RBMS2: variants seen among roughly 807,000 people sequenced by gnomAD.
RBMS2 encodes RNA binding motif single stranded interacting protein 2.
In RBMS2, 38 loss-of-function variants were observed where a neutral mutation model predicts 58.4. The observed-to-expected ratio is 0.65, with a 90% confidence interval of 0.50 to 0.85. The LOEUF is 0.85. RBMS2 is among the 40% of genes least tolerant of loss of function. The pLI, the probability that RBMS2 is intolerant of heterozygous loss-of-function variation, is 0.00. For missense variants in RBMS2, 367 were observed against 503.7 expected (o/e 0.73, Z 2.60); for synonymous variants, 151 against 180.7 (o/e 0.84, Z 1.32).
intron 5 of RBMS2, among the ~76,000 whole-genome samples, chr12:56,576,108 C>T (rs1192639386): frequency 3.3e-5 from 5 of 151,750 alleles, no homozygotes; most frequent in African/African-American, 9.7e-5. Flanking sequence ...GAGGCCGAGG[C>T]GAGCAGATCA....
At chr12:56,566,882 A>G (rs1881438704) in intron 2 of RBMS2, among the ~76,000 whole-genome samples, 1 of 152,220 alleles carries the variant, frequency 6.6e-6, no homozygotes, top group Non-Finnish European at 1.5e-5. Flanking sequence ...AAAGATTTTT[A>G]TAACTCATTA....
intron 1 of RBMS2, among the ~76,000 whole-genome samples, chr12:56,552,789 T>A (rs1229438430): frequency 6.6e-6 from 1 of 151,418 alleles, no homozygotes; most frequent in Non-Finnish European, 1.5e-5. Flanking sequence ...CTGCAGTGAG[T>A]CATGATCATG....
At chr12:56,572,026 C>T (rs1045184915) in intron 5 of RBMS2, among the ~76,000 whole-genome samples, 171 bp downstream of exon 5, 3 of 152,102 alleles carry the variant, frequency 2.0e-5, no homozygotes, top group African/African-American at 7.2e-5. Context: ...CGGTGGCTTA[C>T]ACCTGTAATC....
intron 5 of RBMS2, among the ~76,000 whole-genome samples, chr12:56,578,340 G>A (rs1426170935): frequency 6.6e-6 from 1 of 152,030 alleles, no homozygotes; most frequent in Non-Finnish European, 1.5e-5. Context: ...AGTTGGCCAG[G>A]CTGGTCTCGA....
chr12:56,573,933 C>T (rs1176630037), intron 5 of RBMS2, among the ~76,000 whole-genome samples: 1 of 152,088 alleles, frequency 6.6e-6, no homozygotes, highest in Non-Finnish European at 1.5e-5. Flanking sequence ...CTCTGCCTCC[C>T]GGGTTCAAGT....
Position 56,558,205 on chromosome 12 carries a change from G to A in RBMS2, c.67-4212G>A, listed in dbSNP as rs189392110. ...TGGGACTACAAGCACGCACCACCAC[G>A]CCCAGCTAATTTCTGTATTTTTAGT... On this transcript the variant is annotated intron_variant, in intron 1 of 13. Transcript: ENST00000262031. Among the ~76,000 whole-genome samples the A allele has an allele frequency of 1.6e-3, 232 of 143,798 alleles. 1 individual carries two copies. The highest frequency in any genetic ancestry group is 5.0e-3 in the African/African-American group (196 of 39,236). The allele number at this position is 143,798 out of a possible 152,430, so 94.3% of individuals were successfully genotyped here.
In RBMS2 at chr12:56,581,252, C is replaced by G. The variant is rs1445818077; in HGVS notation, c.611C>G (p.Pro204Arg). ...AATGGAAAATATATTAAGACACCCC[C>G]TGGAGTACCAGGTGAGGCATCTGGG... is the stretch of plus-strand genomic sequence containing the variant. ...HFNGKYIKTP[P>R]GVPAPSDPLL... is the part of the protein sequence containing the mutation. The change falls in exon 6 of 14, where the codon CCT becomes CGT. Residue 204 changes from proline (P) to arginine (R), a missense_variant. By Grantham distance (103) the Pro-to-Arg change is moderately radical. Transcript: ENST00000262031. 6.2e-6 allele frequency: 10 copies of G among 1,604,702 alleles called. No homozygotes were observed. Among genetic ancestry groups the G allele is most frequent in the Non-Finnish European group, 8.5e-6 (10 of 1,171,524 alleles).
At chr12:56,572,194 CAGG>C in intron 5 of RBMS2, among the ~76,000 whole-genome samples, 1 of 147,716 alleles carries the variant, frequency 6.8e-6, no homozygotes, top group East Asian at 2.0e-4. Context: ...GAGGCTGAGG[CAGG>C]AGAATTGCTT....
chr12:56,559,573 C>T (rs1033613315), intron 1 of RBMS2, among the ~76,000 whole-genome samples: 2 of 149,770 alleles, frequency 1.3e-5, no homozygotes, highest in African/African-American at 4.9e-5. Flanking sequence ...AGGTCACGGC[C>T]GGGCGCGGTG....
At chr12:56,578,332 T>G (rs1156650798) in intron 5 of RBMS2, among the ~76,000 whole-genome samples, 1 of 152,060 alleles carries the variant, frequency 6.6e-6, no homozygotes. Flanking sequence ...TTTCACCCAG[T>G]TGGCCAGGCT....
chr12:56,534,949 T>C (rs1243858999), intron 1 of RBMS2, among the ~76,000 whole-genome samples: 1 of 152,110 alleles, frequency 6.6e-6, no homozygotes. Context: ...CCCCAGTAAA[T>C]GTTTATTTCT....
chr12:56,526,895 A>G (rs1247098816), intron 1 of RBMS2, among the ~76,000 whole-genome samples: 1 of 152,082 alleles, frequency 6.6e-6, no homozygotes, highest in Non-Finnish European at 1.5e-5. Context: ...AGGATCAACA[A>G]CCATTTCCTT....
chr12:56,541,209 A>T (rs1336777720), intron 1 of RBMS2, among the ~76,000 whole-genome samples: 5 of 152,026 alleles, frequency 3.3e-5, no homozygotes. Context: ...AATACTTTTT[A>T]AAAAATTGAG....
intron 5 of RBMS2, among the ~76,000 whole-genome samples, chr12:56,573,944 G>A (rs1490119587): frequency 1.3e-5 from 2 of 152,094 alleles, no homozygotes; most frequent in African/African-American, 2.4e-5. Flanking sequence ...GGGTTCAAGT[G>A]ATTCTCCTGC....
At chr12:56,525,915 G>A (rs898071944) in intron 1 of RBMS2, among the ~76,000 whole-genome samples, 13 of 150,936 alleles carry the variant, frequency 8.6e-5, no homozygotes, top group Non-Finnish European at 1.5e-4. Flanking sequence ...TGCCCACCTC[G>A]GCCTCCCAAA....
At chr12:56,542,331 CTG>C (rs1451468947) in intron 1 of RBMS2, among the ~76,000 whole-genome samples, 1 of 151,722 alleles carries the variant, frequency 6.6e-6, no homozygotes, top group Non-Finnish European at 1.5e-5. Flanking sequence ...TCCCAAAATT[CTG>C]TGATTACAGG....
At chr12:56,579,665 G>A (rs957140807) in intron 5 of RBMS2, among the ~76,000 whole-genome samples, 6 of 151,884 alleles carry the variant, frequency 4.0e-5, no homozygotes, top group Non-Finnish European at 8.8e-5. Context: ...TATAGGAATG[G>A]TTCATATTTC....
intron 1 of RBMS2, 134 bp from the exon 2 acceptor site, chr12:56,562,283 A>G (rs1880569248): frequency 5.1e-6 from 4 of 786,330 alleles, no homozygotes; most frequent in Admixed American, 5.7e-5. Context: ...GGAACAAACT[A>G]TGTGTGTCCA....
At chr12:56,574,108 T>C (rs1053620940) in intron 5 of RBMS2, among the ~76,000 whole-genome samples, 3 of 152,180 alleles carry the variant, frequency 2.0e-5, no homozygotes, top group Admixed American at 2.0e-4. Flanking sequence ...CCCAAAGTGC[T>C]AGGATTACAG....
Sources: gnomAD v4.1 joint callset for allele counts (sites outside exome capture counted in the v4.1 genomes callset) on GRCh38, gnomAD v4.1.1 for gene constraint, MANE v1.5 for transcripts, NCBI Gene and HGNC (gene_info 2026-07-23, HGNC 2026-07-21) for gene names.